Variants in LRMDA observed in about 807,000 individuals in gnomAD.
The protein encoded by LRMDA is leucine rich melanocyte differentiation associated, also known as leucine-rich melanocyte differentiation-associated protein.
Under a neutral mutation model 29.8 loss-of-function variants are expected in LRMDA, and 18 were observed. That is an observed-to-expected ratio of 0.60 (90% CI 0.42 to 0.90). LRMDA has a LOEUF of 0.90. LRMDA is among the 40% of genes least tolerant of loss of function. The pLI is 0.00. For synonymous variants in LRMDA, 125 were observed against 109.4 expected, an observed-to-expected ratio of 1.14 and a Z score of -0.89; for missense variants, 273 against 273.9, an observed-to-expected ratio of 1.00 and a Z score of 0.02.
intron 5 of LRMDA, among the ~76,000 whole-genome samples, chr10:76,214,842 C>G (rs372926847): frequency 6.6e-6 from 1 of 152,188 alleles, no homozygotes; most frequent in Non-Finnish European, 1.5e-5. Flanking sequence ...GTGGCAGGAG[C>G]TGTACTTGGT....
At chr10:75,539,620 A>G (rs1050828005) in intron 2 of LRMDA, among the ~76,000 whole-genome samples, 9 of 152,250 alleles carry the variant, frequency 5.9e-5, no homozygotes, top group African/African-American at 1.9e-4. Context: ...CAGAAGCAGA[A>G]CATAACTTCT....
At chr10:76,068,666 A>C (rs113160395) in intron 5 of LRMDA, among the ~76,000 whole-genome samples, 3,102 of 152,312 alleles carry the variant, frequency 0.02, 49 homozygotes, top group Non-Finnish European at 0.033. Context: ...ACAGACCAGT[A>C]CATGTCTGTA....
chr10:76,315,563 C>T (rs1348708980), intron 5 of LRMDA, among the ~76,000 whole-genome samples: 2 of 152,184 alleles, frequency 1.3e-5, no homozygotes, highest in African/African-American at 2.4e-5. Context: ...CTAGCGCCCC[C>T]TGCTGCCTTG....
chr10:76,401,153 C>G (rs1229542915), intron 6 of LRMDA, among the ~76,000 whole-genome samples: 2 of 152,078 alleles, frequency 1.3e-5, no homozygotes, highest in East Asian at 3.9e-4. Flanking sequence ...CCTTGAGCTT[C>G]CAATATAATG....
intron 5 of LRMDA, among the ~76,000 whole-genome samples, chr10:76,150,111 G>T (rs561434298): frequency 6.6e-6 from 1 of 152,302 alleles, no homozygotes; most frequent in East Asian, 1.9e-4. Flanking sequence ...ACTAACTAAA[G>T]GCTGCCAACC....
intron 6 of LRMDA, among the ~76,000 whole-genome samples, chr10:76,522,773 T>C (rs1194712038): frequency 2.0e-5 from 3 of 152,174 alleles, no homozygotes; most frequent in African/African-American, 7.2e-5. Flanking sequence ...ATGCTGCTGA[T>C]TTCTGGTGCG....
chr10:76,082,182 T>G (rs972615732), intron 5 of LRMDA, among the ~76,000 whole-genome samples: 7 of 152,194 alleles, frequency 4.6e-5, no homozygotes, highest in Admixed American at 2.0e-4. Flanking sequence ...GGGCCAACTG[T>G]GGGACTTGAC....
chr10:75,517,772 T>G (rs1198323377), intron 2 of LRMDA, among the ~76,000 whole-genome samples: 1 of 152,232 alleles, frequency 6.6e-6, no homozygotes, highest in Non-Finnish European at 1.5e-5. Context: ...CATCCTTGTC[T>G]TGTGCCAGTT....
chr10:75,800,365 T>C (rs895550953), intron 2 of LRMDA, among the ~76,000 whole-genome samples: 2 of 152,142 alleles, frequency 1.3e-5, no homozygotes, highest in African/African-American at 4.8e-5. Context: ...ATTTGGTATT[T>C]ATATTTTAAA....
chr10:75,878,075 T>C (rs1483148924), intron 2 of LRMDA, among the ~76,000 whole-genome samples: 1 of 152,196 alleles, frequency 6.6e-6, no homozygotes, highest in Non-Finnish European at 1.5e-5. Flanking sequence ...TAGGGTTGAA[T>C]GTTTACAGCT....
chr10:76,056,394 T>A (rs552130675), intron 4 of LRMDA, among the ~76,000 whole-genome samples: 1 of 152,318 alleles, frequency 6.6e-6, no homozygotes, highest in Non-Finnish European at 1.5e-5. Flanking sequence ...ACCTCTGGCC[T>A]GATGGTGGGG....
intron 6 of LRMDA, among the ~76,000 whole-genome samples, chr10:76,543,130 G>A (rs1364016598): frequency 4.6e-5 from 7 of 152,096 alleles, no homozygotes; most frequent in Non-Finnish European, 8.8e-5. Context: ...AATGCCAATA[G>A]CAAGGAACCC....
intron 5 of LRMDA, among the ~76,000 whole-genome samples, chr10:76,145,786 G>T (rs1410138555): frequency 6.6e-6 from 1 of 152,004 alleles, no homozygotes; most frequent in East Asian, 1.9e-4. Context: ...TGATGTTAGG[G>T]TGTCACTTTT....
chr10:76,197,988 C>G (rs1851360868), intron 5 of LRMDA, among the ~76,000 whole-genome samples: 1 of 152,098 alleles, frequency 6.6e-6, no homozygotes, highest in Admixed American at 6.6e-5. Context: ...AGTCTTTGTC[C>G]TTGGGGCCTC....
intron 5 of LRMDA, among the ~76,000 whole-genome samples, chr10:76,084,648 C>T (rs1179547757): frequency 6.6e-6 from 1 of 152,028 alleles, no homozygotes. Context: ...AACTTAACTT[C>T]ATAGGTTTAT....
intron 2 of LRMDA, among the ~76,000 whole-genome samples, chr10:75,547,564 T>G (rs1213608336): frequency 2.0e-5 from 3 of 152,200 alleles, no homozygotes; most frequent in Admixed American, 1.3e-4. Flanking sequence ...TTCGTCTTTA[T>G]CAAGAATGTC....
At chr10:75,763,947 C>A (rs1589192296) in intron 2 of LRMDA, among the ~76,000 whole-genome samples, 1 of 152,232 alleles carries the variant, frequency 6.6e-6, no homozygotes, top group South Asian at 2.1e-4. Flanking sequence ...TCTGTTTGAA[C>A]ATTTAGACTA....
chr10:76,006,589 C>A (rs1847663838), intron 2 of LRMDA, among the ~76,000 whole-genome samples: 1 of 152,122 alleles, frequency 6.6e-6, no homozygotes, highest in Non-Finnish European at 1.5e-5. Flanking sequence ...TGTCTACAAC[C>A]AATCTAGGGG....
At chr10:76,003,175 G>A (rs11597037) in intron 2 of LRMDA, among the ~76,000 whole-genome samples, 289 of 152,252 alleles carry the variant, frequency 1.9e-3, no homozygotes, top group Admixed American at 6.3e-3. Context: ...CCCTGGCTGC[G>A]AGAATTGGTG....
Sources: allele counts gnomAD v4.1 joint callset (sites outside exome capture counted in the v4.1 genomes callset), GRCh38; gene constraint gnomAD v4.1.1; transcripts MANE v1.5; gene names NCBI Gene and HGNC (gene_info 2026-07-23, HGNC 2026-07-21).